NECAB1: variants seen among roughly 807,000 people sequenced by gnomAD.
The protein encoded by NECAB1 is N-terminal EF-hand calcium-binding protein 1.
NECAB1 carries 29 observed loss-of-function variants against 57.5 expected under a neutral mutation model. That is an observed-to-expected ratio of 0.50 (90% CI 0.38 to 0.69). NECAB1 has a LOEUF of 0.69. NECAB1 is among the 30% of genes least tolerant of loss of function. The pLI is 0.00. For missense variants in NECAB1, 372 were observed against 413.8 expected (o/e 0.90, Z 0.88); for synonymous variants, 142 against 147.7 (o/e 0.96, Z 0.28).
At chr8:90,935,221 G>T (rs554327196) in intron 9 of NECAB1, among the ~76,000 whole-genome samples, 1 of 152,300 alleles carries the variant, frequency 6.6e-6, no homozygotes, top group Non-Finnish European at 1.5e-5. Flanking sequence ...CTACATGATA[G>T]ATGAAGTTGA....
intron 10 of NECAB1, among the ~76,000 whole-genome samples, chr8:90,945,655 A>G (rs1362797655): frequency 6.6e-6 from 1 of 152,196 alleles, no homozygotes; most frequent in Non-Finnish European, 1.5e-5. Flanking sequence ...GGAAGAAGCC[A>G]AGAGGGAAAG....
At chr8:90,917,333 T>C (rs1809977800) in intron 5 of NECAB1, among the ~76,000 whole-genome samples, 159 bp from the exon 6 acceptor site, 2 of 152,048 alleles carry the variant, frequency 1.3e-5, no homozygotes. Context: ...ATGAGAGTGA[T>C]GCTGTAGCCT....
chr8:90,843,162 C>A (rs990563863), intron 3 of NECAB1, among the ~76,000 whole-genome samples: 19 of 152,114 alleles, frequency 1.2e-4, no homozygotes, highest in African/African-American at 4.6e-4. Context: ...AGAAATTATT[C>A]ACTATCATGA....
intron 5 of NECAB1, among the ~76,000 whole-genome samples, chr8:90,885,992 T>C (rs968377926): frequency 6.6e-6 from 1 of 152,232 alleles, no homozygotes; most frequent in Non-Finnish European, 1.5e-5. Flanking sequence ...AATTAAATGC[T>C]GAAATCATAA....
At chr8:90,833,099 G>A (rs1177161015) in intron 3 of NECAB1, among the ~76,000 whole-genome samples, 1 of 151,998 alleles carries the variant, frequency 6.6e-6, no homozygotes, top group Non-Finnish European at 1.5e-5. Flanking sequence ...CTACAATGTA[G>A]AAATGTTATT....
At chr8:90,935,031 G>A (rs1378492583) in intron 9 of NECAB1, among the ~76,000 whole-genome samples, 1 of 152,160 alleles carries the variant, frequency 6.6e-6, no homozygotes, top group Non-Finnish European at 1.5e-5. Flanking sequence ...GAAGTTGGAT[G>A]TTTATATTTA....
In NECAB1 at chr8:90,884,653, G is replaced by A. The variant is rs535728156; in HGVS notation, c.357+3523G>A. On this transcript the variant is annotated intron_variant, in intron 5 of 12. Coordinates refer to ENST00000417640, the MANE Select transcript of NECAB1 (RefSeq NM_022351.5). ...AATCCTTTACGTATTCAATCCTTAA[G>A]TATTTAAAAATAAAATGAAAAAATT... Among the ~76,000 whole-genome samples, 5 of 152,240 alleles carry A rather than the reference G, an allele frequency of 3.3e-5. No homozygotes were observed. In the South Asian group the frequency reaches 1.0e-3, roughly 32 times the overall value.
intron 10 of NECAB1, among the ~76,000 whole-genome samples, chr8:90,943,155 G>T (rs1486321459): frequency 6.6e-6 from 1 of 152,188 alleles, no homozygotes; most frequent in South Asian, 2.1e-4. Flanking sequence ...AACAGGCTGT[G>T]GGGGAGTGAG....
chr8:90,837,064 A>AT (rs2129735122), intron 3 of NECAB1, among the ~76,000 whole-genome samples: 1 of 152,352 alleles, frequency 6.6e-6, no homozygotes, highest in African/African-American at 2.4e-5. Flanking sequence ...TTAAGTCATC[A>AT]TTTTTTACAA....
At chr8:90,917,913 TACACAC>T (rs1294117754) in intron 6 of NECAB1, among the ~76,000 whole-genome samples, 1 of 123,236 alleles carries the variant, frequency 8.1e-6, no homozygotes, top group African/African-American at 3.3e-5. Flanking sequence ...TGTATATATA[TACACAC>T]ACACACATAT....
intron 5 of NECAB1, among the ~76,000 whole-genome samples, chr8:90,898,158 T>G (rs1809406464): frequency 6.6e-6 from 1 of 152,136 alleles, no homozygotes; most frequent in Non-Finnish European, 1.5e-5. Flanking sequence ...CACCTCACTA[T>G]CAGGCTGCAT....
intron 4 of NECAB1, among the ~76,000 whole-genome samples, chr8:90,876,666 T>A (rs1031481526): frequency 2.6e-5 from 4 of 150,970 alleles, no homozygotes; most frequent in African/African-American, 9.9e-5. Flanking sequence ...TAGAAACTAA[T>A]TTTTTGTTAG....
chr8:90,795,911 G>A lies in NECAB1; in HGVS notation c.99+3926G>A, dbSNP rs6996536. 5.0e-3 allele frequency among the ~76,000 whole-genome samples: 761 copies of A among 152,200 alleles called. 5 individuals are homozygous for A. The highest frequency in any genetic ancestry group is 0.017 in the African/African-American group (721 of 41,510). On this transcript the variant is annotated intron_variant, in intron 1 of 12. Transcript: ENST00000417640. ...TAATACCTAGGTGATGGATTGATAGGTGCAGCAAACCACCATAGCACACGT... is the reference window on the plus strand; with the variant it reads ...TAATACCTAGGTGATGGATTGATAGATGCAGCAAACCACCATAGCACACGT...
chr8:90,940,690 C>A, intron 9 of NECAB1, 96 bp from the exon 10 acceptor site: 1 of 842,508 alleles, frequency 1.2e-6, no homozygotes, highest in Non-Finnish European at 1.9e-6. Context: ...TGACAATCAT[C>A]TGTTTTTGTG....
intron 3 of NECAB1, among the ~76,000 whole-genome samples, chr8:90,866,044 C>T (rs910558606): frequency 1.3e-5 from 2 of 152,114 alleles, no homozygotes; most frequent in Non-Finnish European, 2.9e-5. Context: ...TTAAGAACAA[C>T]TCAAAAATAT....
In NECAB1 at chr8:90,881,076, A is replaced by C; in HGVS notation, c.303A>C (p.Ala101=). ...TGGGCGAGTATGAGAATGTACTAGC[A>C]GCACTTGAAGACCTGAATCTTTCCA... ...QHLGEYENVL[A]ALEDLNLSIL... Residue 101 remains alanine, a synonymous_variant, in exon 5 of 13, where the codon GCA becomes GCC. Coordinates refer to ENST00000417640, the MANE Select transcript of NECAB1 (RefSeq NM_022351.5). The C allele has an allele frequency of 6.2e-7, 1 of 1,608,114 alleles. No individual in the cohort carries two copies. Among genetic ancestry groups the C allele is most frequent in the Non-Finnish European group, 8.5e-7 (1 of 1,177,096 alleles).
intron 6 of NECAB1, 89 bp downstream of exon 6, chr8:90,917,717 A>C (rs1809989917): frequency 1.6e-6 from 2 of 1,271,378 alleles, no homozygotes; most frequent in Admixed American, 5.3e-5. Context: ...CACTAGCAAA[A>C]ACTAAAAAAG....
rs1327626466 is a variant in NECAB1 at position 90,881,119 on chromosome 8, A to G, written c.346A>G (p.Lys116Glu). ...LNLSILKAMGKTKKDYQEASN... is the reference protein window; with the variant it reads ...LNLSILKAMGETKKDYQEASN... ...TCTTTCCATCCTGAAGGCAATGGGC[A>G]AAACAAAGAAAGTAAGAAAATGTTA... The change falls in exon 5 of 13, where the codon AAA becomes GAA. Residue 116 changes from lysine to glutamate, a missense_variant. Transcript: ENST00000417640. The G allele has an allele frequency of 6.3e-7, 1 of 1,591,680 alleles. No individual in the cohort carries two copies. The highest frequency in any genetic ancestry group is 2.3e-5 in the East Asian group (1 of 44,260).
At chr8:90,952,430 C>T (rs1810940127) in intron 12 of NECAB1, among the ~76,000 whole-genome samples, 1 of 152,034 alleles carries the variant, frequency 6.6e-6, no homozygotes, top group Non-Finnish European at 1.5e-5. Context: ...GAGTAAAATG[C>T]AAAGATACAG....
Sources: allele counts gnomAD v4.1 joint callset (sites outside exome capture counted in the v4.1 genomes callset), GRCh38; gene constraint gnomAD v4.1.1; transcripts MANE v1.5; gene names NCBI Gene and HGNC (gene_info 2026-07-23, HGNC 2026-07-21).